Variants in RASEF observed in about 807,000 individuals in gnomAD.
RASEF encodes the protein ras and EF-hand domain-containing protein.
In RASEF, 68 loss-of-function variants were observed where a neutral mutation model predicts 90.1. The observed-to-expected ratio is 0.75, with a 90% CI of 0.62 to 0.92. RASEF has a LOEUF of 0.92. RASEF is among the 40% of genes least tolerant of loss of function. The pLI is 0.00. For synonymous variants in RASEF, 331 were observed against 345.2 expected (o/e 0.96, Z 0.46); for missense variants, 949 against 937.2 (o/e 1.01, Z -0.16).
At chr9:83,083,936 A>G in the RASEF span, among the ~76,000 whole-genome samples, 1 of 152,206 alleles carries the variant, frequency 6.6e-6, no homozygotes, top group East Asian at 1.9e-4. Context: ...GTACAAGGAT[A>G]TTTATTAGCA....
the RASEF span, among the ~76,000 whole-genome samples, chr9:83,209,765 A>G: frequency 1.1e-3 from 173 of 152,310 alleles, no homozygotes; most frequent in East Asian, 0.026. Flanking sequence ...ACTTTTGGAG[A>G]AAAAATTTCA....
intron 12 of RASEF, among the ~76,000 whole-genome samples, chr9:82,999,254 T>C (rs1442843071): frequency 1.3e-5 from 2 of 152,224 alleles, no homozygotes; most frequent in East Asian, 3.9e-4. Flanking sequence ...TATTGTTCTG[T>C]TGTGAAGGTG....
At chr9:83,062,003 A>G (rs1830209705) in intron 1 of RASEF, among the ~76,000 whole-genome samples, 1 of 152,264 alleles carries the variant, frequency 6.6e-6, no homozygotes, top group Non-Finnish European at 1.5e-5. Flanking sequence ...GTCTTAGGAA[A>G]ACGACAAATC....
chr9:83,144,374 A>AG, the RASEF span, among the ~76,000 whole-genome samples: 732 of 58,092 alleles, frequency 0.013, 10 homozygotes, highest in East Asian at 0.039. Flanking sequence ...AAAGAAAGAA[A>AG]GAAAGAAAGA....
chr9:83,174,846 C>T, the RASEF span, among the ~76,000 whole-genome samples: 2 of 152,096 alleles, frequency 1.3e-5, no homozygotes, highest in East Asian at 1.9e-4. Context: ...ATTTTGTTAA[C>T]TTTATTTCTA....
chr9:83,110,447 G>T, the RASEF span, among the ~76,000 whole-genome samples: 1 of 152,048 alleles, frequency 6.6e-6, no homozygotes, highest in Admixed American at 6.6e-5. Flanking sequence ...ATAGATGTTT[G>T]CCAAGAGCTG....
chr9:83,004,395 G>A, intron 9 of RASEF, 103 bp downstream of exon 9: 1 of 428,696 alleles, frequency 2.3e-6, no homozygotes, highest in Non-Finnish European at 4.1e-6. Context: ...ATAAATTAGT[G>A]ACCAAAGTAT....
At chr9:83,148,985 G>A in the RASEF span, among the ~76,000 whole-genome samples, 28 of 152,298 alleles carry the variant, frequency 1.8e-4, no homozygotes, top group Non-Finnish European at 2.8e-4. Context: ...CTGGCCCCAC[G>A]GCAGCAATGC....
chr9:83,193,548 T>C, the RASEF span, among the ~76,000 whole-genome samples: 1 of 152,216 alleles, frequency 6.6e-6, no homozygotes, highest in Non-Finnish European at 1.5e-5. Context: ...CTGGATCAAA[T>C]GGAACAGTGC....
At chr9:83,203,383 C>A in the RASEF span, among the ~76,000 whole-genome samples, 4 of 152,006 alleles carry the variant, frequency 2.6e-5, no homozygotes, top group Non-Finnish European at 4.4e-5. Context: ...TCAAGCAATT[C>A]TCCTGCCTCA....
At chr9:82,993,100 C>T (rs1239903661) in intron 14 of RASEF, 75 bp from the exon 15 acceptor site, 2 of 1,477,604 alleles carry the variant, frequency 1.4e-6, no homozygotes, top group East Asian at 2.3e-5. Flanking sequence ...ACAACAGCAA[C>T]AGCAATTACC....
chr9:83,092,022 T>TTTTTTTTTTTTTTTTTTTTTTTTTTTG, the RASEF span, among the ~76,000 whole-genome samples: 1 of 140,862 alleles, frequency 7.1e-6, no homozygotes, highest in African/African-American at 2.7e-5. Context: ...TTTTTTTTTT[T>TTTTTTTTTTTTTTTTTTTTTTTTTTTG]TTTTTTTTTG....
the RASEF span, among the ~76,000 whole-genome samples, chr9:83,135,790 A>G: frequency 6.6e-6 from 1 of 152,110 alleles, no homozygotes; most frequent in African/African-American, 2.4e-5. Context: ...CTTCACAAGT[A>G]TGTTAGAGGA....
At chr9:83,136,292 G>A in the RASEF span, among the ~76,000 whole-genome samples, 1 of 151,920 alleles carries the variant, frequency 6.6e-6, no homozygotes, top group African/African-American at 2.4e-5. Context: ...TTATTTGCAT[G>A]GTTTCATAGC....
intron 1 of RASEF, chr9:83,054,515 T>C (rs1385203331): frequency 1.4e-5 from 2 of 139,580 alleles, no homozygotes; most frequent in African/African-American, 5.7e-5. Context: ...TCAGAGTAAT[T>C]TGATCGTCTG....
At chr9:83,067,126 C>T (rs1177179896), upstream of RASEF, among the ~76,000 whole-genome samples, 1 of 152,132 alleles carries the variant, frequency 6.6e-6, no homozygotes, top group Non-Finnish European at 1.5e-5. Context: ...CCTTCAGGTA[C>T]GAGAGTGCTT....
At chr9:83,207,485 C>T in the RASEF span, among the ~76,000 whole-genome samples, 2 of 151,868 alleles carry the variant, frequency 1.3e-5, no homozygotes, top group African/African-American at 4.8e-5. Flanking sequence ...TGAAAGGCCA[C>T]ATTCTCCAGG....
chr9:83,093,405 T>A, the RASEF span, among the ~76,000 whole-genome samples: 2 of 152,226 alleles, frequency 1.3e-5, no homozygotes, highest in East Asian at 3.9e-4. Context: ...GGTGGGAGGC[T>A]CAGGCATGGC....
At chr9:82,998,521 ATG>A in intron 12 of RASEF, 75 bp from the exon 13 acceptor site, 2 of 957,904 alleles carry the variant, frequency 2.1e-6, no homozygotes, top group Non-Finnish European at 3.4e-6. Flanking sequence ...CCTTCTTTAG[ATG>A]AAGCAAAAGC....
Sources: allele counts gnomAD v4.1 joint callset (sites outside exome capture counted in the v4.1 genomes callset), GRCh38; gene constraint gnomAD v4.1.1; transcripts MANE v1.5; gene names NCBI Gene and HGNC (gene_info 2026-07-23, HGNC 2026-07-21).